ERAP1: variants seen among roughly 807,000 people sequenced by gnomAD.
The protein encoded by ERAP1 is adipocyte-derived leucine aminopeptidase.
A neutral mutation model predicts 103.7 loss-of-function variants in ERAP1; 86 were observed. The ratio of observed to expected loss-of-function variants is 0.83; its 90% CI spans 0.70 to 0.99. The LOEUF (loss-of-function observed/expected upper bound fraction) is 0.99. Ranked by LOEUF, ERAP1 falls within the 50% of genes least tolerant of loss-of-function variation. ERAP1 has a pLI of 0.00. For missense variants in ERAP1, 1,009 were observed against 1,128.4 expected, an observed-to-expected ratio of 0.89 and a Z score of 1.52; for synonymous variants, 398 against 402.4, an observed-to-expected ratio of 0.99 and a Z score of 0.13.
chr5:96,786,647 C>T (rs1776040519), intron 11 of ERAP1, 98 bp from the exon 12 acceptor site: 2 of 782,622 alleles, frequency 2.6e-6, no homozygotes, highest in South Asian at 3.0e-5. Flanking sequence ...TAGTTTAGAA[C>T]AAGATAGTAC....
the ERAP1 span, among the ~76,000 whole-genome samples, chr5:96,818,673 C>A: frequency 6.6e-6 from 1 of 152,078 alleles, no homozygotes; most frequent in Non-Finnish European, 1.5e-5. Flanking sequence ...GCCATAAATC[C>A]TCCCTCTTGG....
chr5:96,834,902 G>GT, the ERAP1 span, among the ~76,000 whole-genome samples: 4 of 152,146 alleles, frequency 2.6e-5, no homozygotes, highest in South Asian at 4.1e-4. Flanking sequence ...GTAATAGGCA[G>GT]TTTTTTAGAC....
chr5:96,851,925 A>G, the ERAP1 span, among the ~76,000 whole-genome samples: 3 of 152,230 alleles, frequency 2.0e-5, no homozygotes, highest in Non-Finnish European at 4.4e-5. Flanking sequence ...AGTAAAGGAC[A>G]GCACAGAATA....
intron 4 of ERAP1, 84 bp downstream of exon 4, chr5:96,797,091 C>T (rs1339875289): frequency 2.7e-5 from 42 of 1,548,568 alleles, no homozygotes; most frequent in African/African-American, 4.1e-5. Flanking sequence ...CGACCCACTG[C>T]GCTCAGGCAG....
chr5:96,896,906 G>C, the ERAP1 span: 7 of 1,506,872 alleles, frequency 4.6e-6, no homozygotes, highest in Non-Finnish European at 6.2e-6. Context: ...ATTTAATCTA[G>C]AAAGTAACAG....
At chr5:96,836,126 A>G in the ERAP1 span, among the ~76,000 whole-genome samples, 17,338 of 150,788 alleles carry the variant, frequency 0.11, 1,282 homozygotes, top group Middle Eastern at 0.24. Context: ...AATGCCTTCA[A>G]TGACCGGAAA....
At chr5:96,877,447 T>C in the ERAP1 span, among the ~76,000 whole-genome samples, 5 of 152,184 alleles carry the variant, frequency 3.3e-5, no homozygotes, top group Non-Finnish European at 7.3e-5. Flanking sequence ...ATTTTGGCCA[T>C]TGAATGCAAG....
chr5:96,857,249 A>G, the ERAP1 span, among the ~76,000 whole-genome samples: 1 of 152,298 alleles, frequency 6.6e-6, no homozygotes, highest in South Asian at 2.1e-4. Context: ...TTAGCATCCT[A>G]TGTGCTCTTA....
At chr5:96,836,611 T>A in the ERAP1 span, among the ~76,000 whole-genome samples, 1 of 152,186 alleles carries the variant, frequency 6.6e-6, no homozygotes, top group Non-Finnish European at 1.5e-5. Flanking sequence ...TGGCAAGGAG[T>A]TCAAATAATT....
At chr5:96,818,201 T>A in the ERAP1 span, among the ~76,000 whole-genome samples, 7 of 152,070 alleles carry the variant, frequency 4.6e-5, no homozygotes, top group Admixed American at 3.9e-4. Flanking sequence ...AAAAATCAAG[T>A]TATCATTTGG....
chr5:96,912,934 G>A, the ERAP1 span: 103 of 689,606 alleles, frequency 1.5e-4, no homozygotes, highest in Non-Finnish European at 2.2e-4. Context: ...TTTACTTTCA[G>A]AAAAGAATAT....
chr5:96,811,944 C>T (rs1474331895), upstream of ERAP1, among the ~76,000 whole-genome samples: 1 of 152,200 alleles, frequency 6.6e-6, no homozygotes, highest in African/African-American at 2.4e-5. Context: ...AGGTGACAGG[C>T]CCATCTAACT....
the ERAP1 span, among the ~76,000 whole-genome samples, chr5:96,891,528 G>GCA: frequency 5.4e-5 from 2 of 37,170 alleles, no homozygotes; most frequent in African/African-American, 1.3e-4. Context: ...CCCATATACG[G>GCA]TATATATACA....
the ERAP1 span, among the ~76,000 whole-genome samples, chr5:96,930,692 T>C: frequency 1.3e-5 from 2 of 152,312 alleles, no homozygotes; most frequent in African/African-American, 4.8e-5. Flanking sequence ...TCTCCTCCCA[T>C]ACGAAACAAG....
At chr5:96,903,113 C>A in the ERAP1 span, among the ~76,000 whole-genome samples, 2 of 152,168 alleles carry the variant, frequency 1.3e-5, no homozygotes, top group African/African-American at 4.8e-5. Context: ...CCCTTCCTTG[C>A]ATGTCTCTTA....
downstream of ERAP1, chr5:96,771,769 A>T: frequency 1.1e-6 from 1 of 938,232 alleles, no homozygotes; most frequent in South Asian, 1.4e-5. Context: ...GTTATAGATG[A>T]GAGAAGTGAA....
chr5:96,775,097 C>CAAGT lies in ERAP1; in HGVS notation c.*1295_*1298dup, dbSNP rs1554107092. 7 of 985,394 alleles carry CAAGT rather than the reference C, an allele frequency of 7.1e-6. No homozygotes were observed. In the South Asian group the frequency reaches 1.9e-4, roughly 26 times the overall value. The allele number at this position is 985,394 out of a possible 1,614,324, so 61.0% of individuals were successfully genotyped here. ...ATGGGTTAGATAAGTCCCTGTGTAG[C>CAAGT]AAGTTTTCAGAATAAGAAATAAAAT... On this transcript the variant is annotated 3_prime_UTR_variant, in exon 19 of 19. Coordinates refer to ENST00000443439, the MANE Select transcript of ERAP1 (RefSeq NM_001040458.3).
Position 96,775,434 on chromosome 5 carries a change from A to G in ERAP1, c.*962T>C. 1 of 985,584 alleles carries G rather than the reference A, an allele frequency of 1.0e-6. No homozygotes were observed. Among genetic ancestry groups the G allele is most frequent in the Non-Finnish European group, 1.2e-6 (1 of 829,940 alleles). 61.1% of individuals were successfully genotyped at this position (985,584 alleles called of 1,614,324 possible). On this transcript the variant is annotated 3_prime_UTR_variant, in exon 19 of 19. Transcript: ENST00000443439. ...AGTAGGCCAAATAAGAAGCAGAGAG[A>G]GAAAAAAAATCACCTCCCTAAGAAA...
intron 15 of ERAP1, 138 bp downstream of exon 15, chr5:96,782,911 TAA>T: frequency 2.3e-6 from 2 of 858,514 alleles, no homozygotes; most frequent in Non-Finnish European, 3.8e-6. Context: ...AGATAAATCT[TAA>T]AAAGCAATTT....
Sources: allele counts gnomAD v4.1 joint callset (sites outside exome capture counted in the v4.1 genomes callset), GRCh38; gene constraint gnomAD v4.1.1; transcripts MANE v1.5; gene names NCBI Gene and HGNC (gene_info 2026-07-23, HGNC 2026-07-21).